The following BACH2 variants were observed in gnomAD, a reference collection of about 807,000 sequenced individuals.
BACH2 encodes the protein BACH transcriptional regulator 2, also known as transcription regulator protein BACH2.
A neutral mutation model predicts 61.8 loss-of-function variants in BACH2; 5 were observed. The ratio of observed to expected loss-of-function variants is 0.08; its 90% CI spans 0.04 to 0.17. The LOEUF is 0.17. Ranked by LOEUF, BACH2 falls within the 10% of genes least tolerant of loss-of-function variation. BACH2 has a pLI of 1.00. For synonymous variants in BACH2, 446 were observed against 440.1 expected (o/e 1.01, Z -0.17); for missense variants, 824 against 1,091.1 (o/e 0.76, Z 3.45).
chr6:90,121,949 G>A (rs1783646854), intron 4 of BACH2, among the ~76,000 whole-genome samples: 1 of 152,216 alleles, frequency 6.6e-6, no homozygotes, highest in South Asian at 2.1e-4. Context: ...TTTCTGGTGT[G>A]AGGCTACCTA....
chr6:90,143,049 A>G (rs1423034040), intron 4 of BACH2, among the ~76,000 whole-genome samples: 1 of 152,172 alleles, frequency 6.6e-6, no homozygotes, highest in African/African-American at 2.4e-5. Flanking sequence ...AGGCTAACTC[A>G]TTTATCCACT....
intron 7 of BACH2, among the ~76,000 whole-genome samples, chr6:89,945,429 A>G (rs1773665977): frequency 6.6e-6 from 1 of 152,222 alleles, no homozygotes; most frequent in East Asian, 1.9e-4. Context: ...GCATTATGCT[A>G]AAGTGAAAGG....
chr6:90,198,642 C>T (rs927532441), intron 4 of BACH2, among the ~76,000 whole-genome samples: 26 of 152,278 alleles, frequency 1.7e-4, no homozygotes, highest in Non-Finnish European at 3.7e-4. Flanking sequence ...CAAGGCATTG[C>T]CATATCCATA....
chr6:90,289,433 CAAAGAA>C (rs1467181526), intron 1 of BACH2, among the ~76,000 whole-genome samples: 1 of 152,038 alleles, frequency 6.6e-6, no homozygotes, highest in African/African-American at 2.4e-5. Flanking sequence ...TAACTATCAT[CAAAGAA>C]AAAGAAAATA....
intron 3 of BACH2, among the ~76,000 whole-genome samples, chr6:90,249,132 G>T (rs966657193): frequency 6.6e-6 from 1 of 152,160 alleles, no homozygotes; most frequent in Non-Finnish European, 1.5e-5. Context: ...TCACTTTTCA[G>T]AAGACAAGTC....
At chr6:89,964,517 GTTCT>G (rs1469585956) in intron 6 of BACH2, among the ~76,000 whole-genome samples, 1 of 152,140 alleles carries the variant, frequency 6.6e-6, no homozygotes, top group African/African-American at 2.4e-5. Flanking sequence ...TTGACTTCAT[GTTCT>G]TTAAGATGAT....
At chr6:90,099,026 T>C (rs1170570494) in intron 4 of BACH2, among the ~76,000 whole-genome samples, 4 of 152,220 alleles carry the variant, frequency 2.6e-5, no homozygotes, top group Non-Finnish European at 5.9e-5. Flanking sequence ...GTGGTCCTTG[T>C]GGAACTTTTG....
rs114289337 is a variant in BACH2 at position 90,247,128 on chromosome 6, G to A, written c.-275+5385C>T. ...CCTGCATACTAACTACCACTATAACGAGAACATGACTGCAGTTTACAAGGA... is the reference window on the plus strand; with the variant it reads ...CCTGCATACTAACTACCACTATAACAAGAACATGACTGCAGTTTACAAGGA... On this transcript the variant is annotated intron_variant, in intron 3 of 8. Coordinates refer to ENST00000257749, the MANE Select transcript of BACH2 (RefSeq NM_021813.4). Among the ~76,000 whole-genome samples, 1,410 of 152,122 alleles carry A rather than the reference G, an allele frequency of 9.3e-3. 20 individuals carry two copies. The highest frequency in any genetic ancestry group is 0.032 in the African/African-American group (1,315 of 41,498).
chr6:90,041,687 A>C (rs1333763871), intron 5 of BACH2, among the ~76,000 whole-genome samples: 3 of 152,156 alleles, frequency 2.0e-5, no homozygotes, highest in African/African-American at 7.2e-5. Context: ...TTTATCTGTA[A>C]AAAGTTGAGT....
chr6:90,247,248 T>C (rs1180259682), intron 3 of BACH2, among the ~76,000 whole-genome samples: 1 of 145,744 alleles, frequency 6.9e-6, no homozygotes, highest in Non-Finnish European at 1.5e-5. Flanking sequence ...TTCTTCTTCT[T>C]TTTTTTTTTT....
chr6:90,046,210 T>C (rs1183635882), intron 5 of BACH2, among the ~76,000 whole-genome samples: 1 of 152,116 alleles, frequency 6.6e-6, no homozygotes, highest in African/African-American at 2.4e-5. Context: ...AAGAGCAAAA[T>C]TGTGTGGAAA....
At chr6:89,966,493 C>G (rs980195238) in intron 6 of BACH2, among the ~76,000 whole-genome samples, 10 of 152,240 alleles carry the variant, frequency 6.6e-5, no homozygotes, top group Admixed American at 6.5e-5. Flanking sequence ...TCAGATAGAA[C>G]ATACCACTCT....
chr6:90,071,399 A>G lies in BACH2; in HGVS notation c.-13+17562T>C, dbSNP rs1410727431. Among the ~76,000 whole-genome samples the G allele has an allele frequency of 5.9e-5, 9 of 152,230 alleles. No homozygotes were observed. The South Asian group carries it at 1.2e-3, about 21-fold the overall frequency. ...ATGGCATCACAGAGGAGGGACAGCA[A>G]ATTTTGCCAGAAAGGAACAAAGAAG... On this transcript the variant is annotated intron_variant, in intron 5 of 8. Transcript: ENST00000257749.
intron 6 of BACH2, among the ~76,000 whole-genome samples, chr6:89,988,770 GTT>G (rs1205703613): frequency 6.6e-6 from 1 of 152,128 alleles, no homozygotes; most frequent in Non-Finnish European, 1.5e-5. Context: ...AAAGAAAATC[GTT>G]TCTTATGAGC....
rs10602894 is a variant in BACH2 at position 90,138,053 on chromosome 6, AACACACACAC to A, written c.-161-48954_-161-48945del. ...GAGATCATGACTATTCTAATCATAA[AACACACACAC>A]ACACACACACACACACACACACACA... On this transcript the variant is annotated intron_variant, in intron 4 of 8. Transcript: ENST00000257749. Among the ~76,000 whole-genome samples, 14 of 143,662 alleles carry A rather than the reference AACACACACAC, an allele frequency of 9.7e-5. No homozygotes were observed. The South Asian group carries it at 1.8e-3, about 18-fold the overall frequency. The allele number at this position is 143,662 out of a possible 152,430, so 94.2% of individuals were successfully genotyped here.
intron 4 of BACH2, among the ~76,000 whole-genome samples, chr6:90,123,497 G>A (rs1038882543): frequency 2.7e-5 from 4 of 150,784 alleles, no homozygotes; most frequent in African/African-American, 9.8e-5. Context: ...GGGGCCGGGC[G>A]CGGTGGCTCA....
chr6:90,079,312 A>T (rs1447599245), intron 5 of BACH2, among the ~76,000 whole-genome samples: 3 of 152,156 alleles, frequency 2.0e-5, no homozygotes, highest in Non-Finnish European at 4.4e-5. Context: ...AAAGTTTTCC[A>T]ATCTCTAGGG....
chr6:90,132,593 C>T (rs1280017999), intron 4 of BACH2, among the ~76,000 whole-genome samples: 1 of 152,182 alleles, frequency 6.6e-6, no homozygotes, highest in Non-Finnish European at 1.5e-5. Context: ...TTACAGTCAT[C>T]ATTTTTGTGC....
chr6:89,932,474 C>G lies in BACH2; in HGVS notation c.2460G>C (p.Val820=). 1.2e-6 allele frequency: 2 copies of G among 1,614,080 alleles called. No homozygotes were observed. The highest frequency in any genetic ancestry group is 8.5e-7 in the Non-Finnish European group (1 of 1,180,006). The change falls in exon 9 of 9, where the codon GTG becomes GTC. Residue 820 remains valine, a synonymous_variant. Coordinates refer to ENST00000257749, the MANE Select transcript of BACH2 (RefSeq NM_021813.4). ...PLEPRSQTVT[V]DFCQEMTDKC... ...TATCAGTCATTTCCTGGCAGAAGTC[C>G]ACGGTCACTGTTTGGCTCCTGGGTT... is the stretch of plus-strand genomic sequence containing the variant.
Sources: allele counts gnomAD v4.1 joint callset (sites outside exome capture counted in the v4.1 genomes callset), GRCh38; gene constraint gnomAD v4.1.1; transcripts MANE v1.5; gene names NCBI Gene and HGNC (gene_info 2026-07-23, HGNC 2026-07-21).